Variants in IFT81 observed in about 807,000 individuals in gnomAD.
IFT81 encodes the protein intraflagellar transport protein 81 homolog.
Under a neutral mutation model 102.6 loss-of-function variants are expected in IFT81, and 72 were observed. The observed-to-expected ratio is 0.70, with a 90% CI of 0.58 to 0.85. The LOEUF (loss-of-function observed/expected upper bound fraction) is 0.85. IFT81 is among the 40% of genes least tolerant of loss of function. IFT81 has a pLI of 0.00. For missense variants in IFT81, 723 were observed against 787.3 expected (o/e 0.92, Z 0.98); for synonymous variants, 237 against 242.7 (o/e 0.98, Z 0.22).
chr12:110,125,801 T>G (rs1893800450), intron 1 of IFT81, among the ~76,000 whole-genome samples: 1 of 152,240 alleles, frequency 6.6e-6, no homozygotes, highest in Admixed American at 6.5e-5. Context: ...GTTATGATCT[T>G]TCTCACTGCC....
At chr12:110,154,840 T>C (rs901365339) in intron 10 of IFT81, among the ~76,000 whole-genome samples, 1 of 152,150 alleles carries the variant, frequency 6.6e-6, no homozygotes, top group African/African-American at 2.4e-5. Context: ...TGGAGTGCAG[T>C]GGTGAGATCT....
chr12:110,135,533 A>T, intron 7 of IFT81, 96 bp downstream of exon 7: 1 of 737,962 alleles, frequency 1.4e-6, no homozygotes. Context: ...GTAGACGTTC[A>T]CGTTCCTTTT....
intron 12 of IFT81, among the ~76,000 whole-genome samples, chr12:110,187,935 G>A (rs932408051): frequency 1.3e-5 from 2 of 152,150 alleles, no homozygotes; most frequent in African/African-American, 2.4e-5. Context: ...AGCTGATAAT[G>A]TGAGGCATTT....
chr12:110,218,347 A>G lies in IFT81; in HGVS notation c.*121A>G, dbSNP rs1301315495. 1 of 666,626 alleles carries G rather than the reference A, an allele frequency of 1.5e-6. No homozygotes were observed. 41.3% of individuals were successfully genotyped at this position (666,626 alleles called of 1,614,324 possible). ...TTTGTTTTCAGAAGAGCCATTCTTT[A>G]TTAAGTTTTCATAGAAAATAATGTT... On this transcript the variant is annotated 3_prime_UTR_variant, in exon 19 of 19. Coordinates refer to ENST00000242591, the MANE Select transcript of IFT81 (RefSeq NM_014055.4).
Position 110,144,911 on chromosome 12 carries a change from G to T in IFT81, c.945+1366G>T, listed in dbSNP as rs557909464. The stretch of plus-strand genomic sequence containing the variant: ...TGACGGAACTTGCTCTGTTGCCCAG[G>T]CTGGAGTGCAGTGGCACAATCTCAG... On this transcript the variant is annotated intron_variant, in intron 9 of 18. Transcript: ENST00000242591. 1.0e-3 allele frequency among the ~76,000 whole-genome samples: 144 copies of T among 143,682 alleles called. 1 individual carries two copies. The highest frequency in any genetic ancestry group is 3.7e-3 in the Middle Eastern group (1 of 272). 94.3% of individuals were successfully genotyped at this position (143,682 alleles called of 152,430 possible). A position where few individuals can be genotyped will look rare whatever the true frequency, so the allele number is the denominator to read the frequency against.
At chr12:110,133,626 C>CA (rs1477725991) in intron 5 of IFT81, among the ~76,000 whole-genome samples, 7 of 149,854 alleles carry the variant, frequency 4.7e-5, no homozygotes, top group East Asian at 3.9e-4. Context: ...GAACTTGTCT[C>CA]AAAAAAAAAG....
intron 8 of IFT81, among the ~76,000 whole-genome samples, chr12:110,137,923 G>C (rs1438618016): frequency 6.6e-6 from 1 of 152,250 alleles, no homozygotes; most frequent in South Asian, 2.1e-4. Flanking sequence ...AATGACGTAG[G>C]TATCTCTGGC....
intron 11 of IFT81, among the ~76,000 whole-genome samples, chr12:110,164,007 G>A (rs1243878733): frequency 6.6e-6 from 1 of 152,066 alleles, no homozygotes; most frequent in Non-Finnish European, 1.5e-5. Flanking sequence ...GTAGCAAACA[G>A]ATAATACAAA....
chr12:110,135,248 G>A, intron 6 of IFT81, 79 bp from the exon 7 acceptor site: 1 of 869,998 alleles, frequency 1.1e-6, no homozygotes, highest in Non-Finnish European at 1.9e-6. Context: ...AATGATAAGT[G>A]GATGTCTGAG....
intron 8 of IFT81, among the ~76,000 whole-genome samples, chr12:110,139,141 G>A (rs911604710): frequency 1.3e-5 from 2 of 151,864 alleles, no homozygotes; most frequent in Non-Finnish European, 2.9e-5. Context: ...TTCAAGACCA[G>A]CCTGGACAAC....
intron 3 of IFT81, among the ~76,000 whole-genome samples, chr12:110,128,625 A>G (rs1310784284): frequency 6.6e-6 from 1 of 151,534 alleles, no homozygotes; most frequent in Non-Finnish European, 1.5e-5. Context: ...CGCTGCCTCT[A>G]CAAAAAATAC....
intron 18 of IFT81, among the ~76,000 whole-genome samples, chr12:110,217,146 G>A (rs1295846645): frequency 5.3e-5 from 8 of 152,100 alleles, no homozygotes; most frequent in Non-Finnish European, 1.0e-4. Flanking sequence ...CCAGATTGAA[G>A]CCATTCTCCT....
chr12:110,139,805 A>C (rs1352675582), intron 8 of IFT81, among the ~76,000 whole-genome samples: 3 of 143,316 alleles, frequency 2.1e-5, no homozygotes, highest in Non-Finnish European at 3.0e-5. Context: ...ACATACAATA[A>C]AATAAAATAA....
chr12:110,126,836 T>C (rs1159933162), intron 1 of IFT81, among the ~76,000 whole-genome samples: 2 of 152,184 alleles, frequency 1.3e-5, no homozygotes, highest in Admixed American at 6.5e-5. Context: ...GTACTTGAAG[T>C]GTGCAGCCTC....
In IFT81 at chr12:110,191,030, GGAT is replaced by G. The variant is rs1456622468; in HGVS notation, c.1453_1455del (p.Asp485del). 2 of 1,605,978 alleles carry G rather than the reference GGAT, an allele frequency of 1.2e-6. No homozygotes were observed. Among genetic ancestry groups the G allele is most frequent in the Admixed American group, 1.7e-5 (1 of 58,572 alleles). On this transcript the variant is annotated inframe_deletion, in exon 13 of 19. Coordinates refer to ENST00000242591, the MANE Select transcript of IFT81 (RefSeq NM_014055.4). ...TTGATGAAATGAAAGGACGAACATTGGATGATATGTCTGAAATGGTGATGATAC... is the reference window on the plus strand; with the variant it reads ...TTGATGAAATGAAAGGACGAACATTGGATATGTCTGAAATGGTGATGATAC...
chr12:110,179,842 A>T (rs949502862), intron 11 of IFT81, among the ~76,000 whole-genome samples: 5 of 141,742 alleles, frequency 3.5e-5, no homozygotes, highest in East Asian at 2.0e-4. Flanking sequence ...ATATACACAT[A>T]ATATATATAT....
chr12:110,193,359 C>T (rs1332329649), intron 14 of IFT81, among the ~76,000 whole-genome samples: 1 of 152,074 alleles, frequency 6.6e-6, no homozygotes, highest in African/African-American at 2.4e-5. Context: ...TCTTCTGTGT[C>T]CAGGTAAAAG....
intron 17 of IFT81, among the ~76,000 whole-genome samples, chr12:110,207,176 A>G (rs992174660): frequency 2.0e-5 from 3 of 152,072 alleles, no homozygotes; most frequent in African/African-American, 7.2e-5. Flanking sequence ...GATTACAGGC[A>G]CACGCCACTG....
At chr12:110,210,067 C>G (rs1256870137) in intron 18 of IFT81, among the ~76,000 whole-genome samples, 1 of 152,130 alleles carries the variant, frequency 6.6e-6, no homozygotes, top group Admixed American at 6.5e-5. Context: ...ACTTAAATGA[C>G]CAACTGATTA....
Sources: allele counts gnomAD v4.1 joint callset (sites outside exome capture counted in the v4.1 genomes callset), GRCh38; gene constraint gnomAD v4.1.1; transcripts MANE v1.5; gene names NCBI Gene and HGNC (gene_info 2026-07-23, HGNC 2026-07-21).